The following SHISAL2A variants were observed in gnomAD, a reference collection of about 807,000 sequenced individuals.
SHISAL2A encodes shisa like 2A, also known as protein shisa-like-2A.
In SHISAL2A, 18 loss-of-function variants were observed where a neutral mutation model predicts 11.5. That is an observed-to-expected ratio of 1.57 (90% CI 1.08 to 2.33). SHISAL2A has a LOEUF of 2.33. Ranked by LOEUF, SHISAL2A falls within the 30% of genes most tolerant of loss-of-function variation. The probability of loss-of-function intolerance (pLI) is 0.00; values close to 1 mark genes in which losing one functional copy is unlikely to be tolerated. For missense variants in SHISAL2A, 261 were observed against 250.9 expected (o/e 1.04, Z -0.27); for synonymous variants, 94 against 99.6 (o/e 0.94, Z 0.34).
chr1:52,665,043 C>T (rs1691985447), intron 4 of SHISAL2A, among the ~76,000 whole-genome samples: 1 of 152,206 alleles, frequency 6.6e-6, no homozygotes, highest in South Asian at 2.1e-4. Context: ...CCAGCCAGCC[C>T]ATTTTGATCT....
chr1:52,667,159 T>C (rs1028773226), intron 4 of SHISAL2A, among the ~76,000 whole-genome samples: 1 of 152,198 alleles, frequency 6.6e-6, no homozygotes, highest in Non-Finnish European at 1.5e-5. Context: ...AATTCTGAGT[T>C]TGGTAATATT....
intron 2 of SHISAL2A, among the ~76,000 whole-genome samples, chr1:52,644,844 T>C (rs7525272): frequency 0.35 from 52,991 of 151,212 alleles, 9,373 homozygotes; most frequent in Middle Eastern, 0.43. Context: ...GGTGAAAACA[T>C]GTCTCTACTA....
chr1:52,634,046 A>G (rs1691190098), intron 1 of SHISAL2A, among the ~76,000 whole-genome samples: 1 of 151,704 alleles, frequency 6.6e-6, no homozygotes, highest in Non-Finnish European at 1.5e-5. Flanking sequence ...CTCCACCCCA[A>G]TCATCATCCC....
downstream of SHISAL2A, among the ~76,000 whole-genome samples, chr1:52,659,812 A>G (rs1459862445): frequency 6.6e-6 from 1 of 152,196 alleles, no homozygotes; most frequent in Non-Finnish European, 1.5e-5. Context: ...GAAAAATCCA[A>G]CTTTTCTCTG....
chr1:52,666,409 G>A (rs558574265), intron 4 of SHISAL2A, among the ~76,000 whole-genome samples: 1 of 152,064 alleles, frequency 6.6e-6, no homozygotes, highest in South Asian at 2.1e-4. Flanking sequence ...CCAAGATTGC[G>A]CCGCTGCACT....
chr1:52,654,763 A>C lies in SHISAL2A; in HGVS notation c.323-2027A>C, dbSNP rs562953826. ...TTCTTAAACAAGACATCAAAAGCAC[A>C]ATACATTTTAAAAAAGATAAGCCAG... is the stretch of plus-strand genomic sequence containing the variant. On this transcript the variant is annotated intron_variant, in intron 2 of 2. Transcript: ENST00000517870. Among the ~76,000 whole-genome samples, 5 of 152,386 alleles carry C rather than the reference A, an allele frequency of 3.3e-5. No homozygotes were observed. In the South Asian group the frequency reaches 1.0e-3, roughly 32 times the overall value.
At chr1:52,637,320 C>A (rs1691258915) in intron 1 of SHISAL2A, among the ~76,000 whole-genome samples, 1 of 152,238 alleles carries the variant, frequency 6.6e-6, no homozygotes, top group African/African-American at 2.4e-5. Context: ...ACTCTTCCGG[C>A]ATGCTCCTAA....
chr1:52,639,519 C>T (rs1051066984), intron 1 of SHISAL2A, among the ~76,000 whole-genome samples: 1 of 151,972 alleles, frequency 6.6e-6, no homozygotes, highest in Non-Finnish European at 1.5e-5. Flanking sequence ...TTTAGGAGGC[C>T]GAGGCGGGCG....
downstream of SHISAL2A, among the ~76,000 whole-genome samples, chr1:52,661,749 C>T (rs1303296475): frequency 1.3e-5 from 2 of 152,056 alleles, no homozygotes; most frequent in Non-Finnish European, 2.9e-5. Flanking sequence ...GAATAGAATA[C>T]GGCCGGGCAT....
At chr1:52,665,926 G>A (rs1692001944) in intron 4 of SHISAL2A, among the ~76,000 whole-genome samples, 1 of 152,186 alleles carries the variant, frequency 6.6e-6, no homozygotes, top group African/African-American at 2.4e-5. Context: ...GCGTGTGCAT[G>A]TGTGAGCTCA....
At chr1:52,645,326 G>A (rs1226266424) in intron 2 of SHISAL2A, among the ~76,000 whole-genome samples, 1 of 152,170 alleles carries the variant, frequency 6.6e-6, no homozygotes, top group Non-Finnish European at 1.5e-5. Context: ...GAGAGGCAGT[G>A]GCAGGGGAAA....
intron 2 of SHISAL2A, among the ~76,000 whole-genome samples, chr1:52,651,394 G>A (rs142418069): frequency 0.081 from 12,340 of 151,544 alleles, 681 homozygotes; most frequent in Middle Eastern, 0.18. Flanking sequence ...CTGCCATCAC[G>A]CCTGGCTAAT....
chr1:52,659,178 C>T (rs1390630190), downstream of SHISAL2A, among the ~76,000 whole-genome samples: 1 of 152,020 alleles, frequency 6.6e-6, no homozygotes, highest in African/African-American at 2.4e-5. Context: ...AATCCTTCTG[C>T]CTCAGCCTCC....
intron 2 of SHISAL2A, among the ~76,000 whole-genome samples, chr1:52,656,411 C>T (rs924441926): frequency 6.7e-6 from 1 of 148,610 alleles, no homozygotes; most frequent in Non-Finnish European, 1.5e-5. Flanking sequence ...AATCTATTCT[C>T]AAAGCGAGAA....
At chr1:52,652,293 A>G (rs535530331) in intron 2 of SHISAL2A, among the ~76,000 whole-genome samples, 1 of 152,302 alleles carries the variant, frequency 6.6e-6, no homozygotes, top group South Asian at 2.1e-4. Flanking sequence ...TCAGTGGGGA[A>G]AGCCATAGGG....
intron 2 of SHISAL2A, among the ~76,000 whole-genome samples, chr1:52,647,247 A>G (rs967797608): frequency 1.3e-5 from 2 of 152,348 alleles, no homozygotes; most frequent in Admixed American, 6.5e-5. Context: ...AGAAACACAC[A>G]TAGAAAAACA....
At chr1:52,667,791 G>T (rs1418712263) in intron 5 of SHISAL2A, 1 of 152,186 alleles carries the variant, frequency 6.6e-6, no homozygotes, top group African/African-American at 2.4e-5. Flanking sequence ...AAGGCAGGGA[G>T]ATCCTAGCCC....
chr1:52,639,491 C>CGTAA (rs1491275712), intron 1 of SHISAL2A, among the ~76,000 whole-genome samples: 1 of 152,106 alleles, frequency 6.6e-6, no homozygotes, highest in East Asian at 1.9e-4. Context: ...TGGTAGCTTA[C>CGTAA]GCCTGTAATC....
chr1:52,666,324 C>T (rs766802393), intron 4 of SHISAL2A, among the ~76,000 whole-genome samples: 1 of 152,000 alleles, frequency 6.6e-6, no homozygotes, highest in Non-Finnish European at 1.5e-5. Context: ...TGGTGGCAGG[C>T]GCCTGTAGTC....
Sources: allele counts gnomAD v4.1 joint callset (sites outside exome capture counted in the v4.1 genomes callset), GRCh38; gene constraint gnomAD v4.1.1; transcripts MANE v1.5; gene names NCBI Gene and HGNC (gene_info 2026-07-23, HGNC 2026-07-21).